ERBB4: variants seen among roughly 807,000 people sequenced by gnomAD.
ERBB4 encodes erb-b2 receptor tyrosine kinase 4, also known as receptor tyrosine-protein kinase erbB-4.
Under a neutral mutation model 158.0 loss-of-function variants are expected in ERBB4, and 42 were observed. The observed-to-expected ratio is 0.27, with a 90% CI of 0.21 to 0.34. The LOEUF (loss-of-function observed/expected upper bound fraction) is 0.34, where lower values mean the gene tolerates loss of function less well. ERBB4 is among the 10% of genes least tolerant of loss of function. The pLI is 1.00. For missense variants in ERBB4, 1,333 were observed against 1,624.1 expected (o/e 0.82, Z 3.08); for synonymous variants, 583 against 558.7 (o/e 1.04, Z -0.61).
intron 3 of ERBB4, among the ~76,000 whole-genome samples, chr2:211,872,739 G>C (rs1291034459): frequency 6.6e-6 from 1 of 151,936 alleles, no homozygotes; most frequent in Non-Finnish European, 1.5e-5. Context: ...TACTTTTACT[G>C]TAAGTGATAC....
intron 25 of ERBB4, among the ~76,000 whole-genome samples, chr2:211,414,617 C>G (rs141814798): frequency 6.6e-6 from 1 of 151,758 alleles, no homozygotes; most frequent in East Asian, 1.9e-4. Context: ...AAAGCTTCAT[C>G]GATTTGGTTC....
chr2:211,623,008 T>A lies in ERBB4; in HGVS notation c.2202+914A>T, dbSNP rs1262141694. ...AAAAAAAAATATATATATATATATATATATATATATATATATATATATATA... is the reference window on the plus strand; with the variant it reads ...AAAAAAAAATATATATATATATATAAATATATATATATATATATATATATA... On this transcript the variant is annotated intron_variant, in intron 18 of 27. Transcript: ENST00000342788. Among the ~76,000 whole-genome samples the A allele has an allele frequency of 8.9e-4, 32 of 35,914 alleles. 1 individual carries two copies. Among genetic ancestry groups the A allele is most frequent in the African/African-American group, 3.0e-3 (15 of 4,968 alleles). The allele number at this position is 35,914 out of a possible 152,430, so 23.6% of individuals were successfully genotyped here.
rs568406400 is a variant in ERBB4 at position 211,677,868 on chromosome 2, G to A, written c.1622+1184C>T. On this transcript the variant is annotated intron_variant, in intron 13 of 27. Coordinates refer to ENST00000342788, the MANE Select transcript of ERBB4 (RefSeq NM_005235.3). ...TAGCCAGGCAACAGAGCCAGACTCC[G>A]TTTCAAAATAAAAATAAAAGTAAAA... 2.5e-4 allele frequency among the ~76,000 whole-genome samples: 38 copies of A among 152,004 alleles called. 1 individual carries two copies. In the South Asian group the frequency reaches 7.2e-3, roughly 29 times the overall value.
intron 2 of ERBB4, among the ~76,000 whole-genome samples, chr2:212,057,965 C>A (rs1307596068): frequency 2.6e-5 from 4 of 152,032 alleles, no homozygotes; most frequent in African/African-American, 9.7e-5. Flanking sequence ...ACACAAAAAA[C>A]CCTTCAAAAA....
At chr2:211,761,348 C>T (rs892521724) in intron 4 of ERBB4, among the ~76,000 whole-genome samples, 1 of 152,114 alleles carries the variant, frequency 6.6e-6, no homozygotes, top group Admixed American at 6.5e-5. Context: ...AGCTAAAGTA[C>T]ATTATATAAC....
At chr2:211,657,878 TGC>T (rs776163186) in intron 15 of ERBB4, 50 bp from the exon 16 acceptor site, 15 of 1,601,048 alleles carry the variant, frequency 9.4e-6, no homozygotes, top group Non-Finnish European at 1.3e-5. Flanking sequence ...CACAGTGACA[TGC>T]ACACACATGC....
intron 4 of ERBB4, among the ~76,000 whole-genome samples, chr2:211,773,804 A>G (rs2075802964): frequency 6.6e-6 from 1 of 150,950 alleles, no homozygotes; most frequent in Non-Finnish European, 1.5e-5. Context: ...CTAGATAGAA[A>G]ACAACCTGGA....
intron 1 of ERBB4, among the ~76,000 whole-genome samples, chr2:212,224,593 T>C (rs2083411791): frequency 1.3e-5 from 2 of 152,008 alleles, no homozygotes; most frequent in Admixed American, 1.3e-4. Context: ...ATATTAAATA[T>C]GTCTATCACA....
intron 3 of ERBB4, among the ~76,000 whole-genome samples, chr2:211,877,811 G>A (rs1256450716): frequency 4.6e-5 from 7 of 152,076 alleles, no homozygotes; most frequent in East Asian, 3.9e-4. Flanking sequence ...AATTTATGTC[G>A]GTAACAATGC....
At position 212,216,777 on chromosome 2, in the gene ERBB4, G is replaced by A. The variant is rs567898532; in HGVS notation, c.83-91874C>T. Among the ~76,000 whole-genome samples the A allele has an allele frequency of 2.0e-5, 3 of 151,298 alleles. No individual in the cohort carries two copies. In the Admixed American group the frequency reaches 2.0e-4, roughly 10 times the overall value. On this transcript the variant is annotated intron_variant, in intron 1 of 27. Transcript: ENST00000342788. ...TTATATACATAACATGTTGCCCGGG[G>A]CTCACTCAGATATGGCCCACAGCAT...
chr2:212,455,328 T>TTTTTAA (rs1349105698), intron 1 of ERBB4, among the ~76,000 whole-genome samples: 1 of 152,074 alleles, frequency 6.6e-6, no homozygotes, highest in Non-Finnish European at 1.5e-5. Context: ...CATTAGGTGA[T>TTTTTAA]CTCATGTATG....
At chr2:211,920,964 T>A (rs2079844119) in intron 3 of ERBB4, among the ~76,000 whole-genome samples, 1 of 150,720 alleles carries the variant, frequency 6.6e-6, no homozygotes, top group Admixed American at 6.6e-5. Context: ...TTTGACACAC[T>A]ACAATCTACA....
intron 3 of ERBB4, among the ~76,000 whole-genome samples, chr2:211,791,442 G>T (rs2105863582): frequency 6.6e-6 from 1 of 151,898 alleles, no homozygotes. Flanking sequence ...TGTTAAGAAA[G>T]ATAGGCAAAG....
At position 211,383,936 on chromosome 2, in the gene ERBB4, A is replaced by G. The variant is rs1406222232; in HGVS notation, c.3606T>C (p.Tyr1202=). Residue 1202 remains tyrosine (Y), a synonymous_variant, in exon 28 of 28, where the codon TAT becomes TAC. Transcript: ENST00000342788. ...SNGPPKAEDE[Y]VNEPLYLNTF... ...TGTTGAGGTACAGTGGCTCATTCAC[A>G]TACTCATCCTCGGCCTTGGGTGGAC... 1.2e-6 allele frequency: 2 copies of G among 1,614,076 alleles called. No homozygotes were observed. The highest frequency in any genetic ancestry group is 1.7e-6 in the Non-Finnish European group (2 of 1,180,012).
chr2:211,713,802 A>G (rs1012019026), intron 7 of ERBB4, among the ~76,000 whole-genome samples, 154 bp from the exon 8 acceptor site: 1 of 152,216 alleles, frequency 6.6e-6, no homozygotes, highest in African/African-American at 2.4e-5. Flanking sequence ...AAATATCTCA[A>G]CCTGAAATTG....
At chr2:211,395,904 T>C (rs572884776) in intron 25 of ERBB4, among the ~76,000 whole-genome samples, 4 of 152,188 alleles carry the variant, frequency 2.6e-5, no homozygotes, top group Admixed American at 6.5e-5. Context: ...TGATATACTT[T>C]TACCTTCACA....
In ERBB4 at chr2:211,769,981, A is replaced by G. The variant is rs893041340; in HGVS notation, c.556+18044T>C. Among the ~76,000 whole-genome samples, 57 of 152,216 alleles carry G rather than the reference A, an allele frequency of 3.7e-4. 2 individuals are homozygous for G. On this transcript the variant is annotated intron_variant, in intron 4 of 27. Transcript: ENST00000342788. ...CAGGAAAAATACTTCGTATCCTTCA[A>G]TCCAATCAAGTTGACACTCAATATT...
intron 1 of ERBB4, among the ~76,000 whole-genome samples, chr2:212,481,032 C>G (rs1022345691): frequency 4.6e-5 from 7 of 151,918 alleles, no homozygotes; most frequent in African/African-American, 1.7e-4. Flanking sequence ...ATTCTAAAAC[C>G]TTGACTAATG....
rs1370958716 is a variant in ERBB4, at chr2:212,059,485, G to A, written c.234+65267C>T. The stretch of plus-strand genomic sequence containing the variant: ...ACCAAAAAAGAGCCCACATTGCCAA[G>A]ACAATTCTAAGCCAAAAGAACAAAG... On this transcript the variant is annotated intron_variant, in intron 2 of 27. Coordinates refer to ENST00000342788, the MANE Select transcript of ERBB4 (RefSeq NM_005235.3). Among the ~76,000 whole-genome samples, 5 of 152,130 alleles carry A rather than the reference G, an allele frequency of 3.3e-5. No individual in the cohort carries two copies. In the East Asian group the frequency reaches 9.6e-4, roughly 29 times the overall value.
Sources: allele counts gnomAD v4.1 joint callset (sites outside exome capture counted in the v4.1 genomes callset), GRCh38; gene constraint gnomAD v4.1.1; transcripts MANE v1.5; gene names NCBI Gene and HGNC (gene_info 2026-07-23, HGNC 2026-07-21).